Variants in IL2RA observed in about 807,000 individuals in gnomAD.
IL2RA encodes the protein interleukin-2 receptor subunit alpha.
A neutral mutation model predicts 37.8 loss-of-function variants in IL2RA; 24 were observed. The ratio of observed to expected loss-of-function variants is 0.63; its 90% CI spans 0.46 to 0.89. The LOEUF (loss-of-function observed/expected upper bound fraction) is 0.89, where lower values mean the gene tolerates loss of function less well. Among genes scored for constraint, IL2RA ranks in the 40% least tolerant of loss-of-function variants. The probability of loss-of-function intolerance (pLI) is 0.00; values close to 1 mark genes in which losing one functional copy is unlikely to be tolerated. For missense variants in IL2RA, 319 were observed against 348.6 expected (o/e 0.92, Z 0.68); for synonymous variants, 125 against 114.6 (o/e 1.09, Z -0.58).
rs927442797 is a variant in IL2RA, at chr10:6,014,970, G to C, written c.795-2074C>G. ...TGTATTTTCTCAGGGTCTTACTGTG[G>C]AGTTTGTATCAGGGTTGGCCAGAGT... On this transcript the variant is annotated intron_variant, in intron 7 of 7. Transcript: ENST00000379959. This position sits in a 1 kb window ranked among gnomAD's most constrained non-coding sequence, Gnocchi z 4.4. Among the ~76,000 whole-genome samples, 38 of 152,152 alleles carry C rather than the reference G, an allele frequency of 2.5e-4. No homozygotes were observed. The highest frequency in any genetic ancestry group is 4.9e-4 in the Non-Finnish European group (33 of 68,016).
chr10:6,050,518 C>T (rs999789206), intron 1 of IL2RA, among the ~76,000 whole-genome samples: 61 of 152,170 alleles, frequency 4.0e-4, no homozygotes, highest in African/African-American at 1.4e-3. Context: ...ATGGGGCATG[C>T]CTGTAATCCC....
At position 6,046,781 on chromosome 10, in the gene IL2RA, G is replaced by C. The variant is rs1839868562; in HGVS notation, c.64+15307C>G. Among the ~76,000 whole-genome samples, 2 of 152,330 alleles carry C rather than the reference G, an allele frequency of 1.3e-5. No individual in the cohort carries two copies. The highest frequency in any genetic ancestry group is 4.8e-5 in the African/African-American group (2 of 41,562). On this transcript the variant is annotated intron_variant, in intron 1 of 7. Transcript: ENST00000379959. The surrounding 1 kb of genome is among the most constrained non-coding windows in gnomAD (Gnocchi z 4.8). ...CAACATTTGATCTCTGATAGTTTCAGTGGGTGGGTTCTATTCTTTTCAACA... is the reference window on the plus strand; with the variant it reads ...CAACATTTGATCTCTGATAGTTTCACTGGGTGGGTTCTATTCTTTTCAACA...
At chr10:6,040,561 T>C (rs1839755798) in intron 1 of IL2RA, among the ~76,000 whole-genome samples, 1 of 152,248 alleles carries the variant, frequency 6.6e-6, no homozygotes, top group Non-Finnish European at 1.5e-5. Context: ...TTTAGAATTT[T>C]TTCTTAGCCA....
chr10:6,038,828 C>A (rs1428386274), intron 1 of IL2RA, among the ~76,000 whole-genome samples: 2 of 151,934 alleles, frequency 1.3e-5, no homozygotes, highest in Admixed American at 6.6e-5. Flanking sequence ...TTAAAAATTA[C>A]ATCTAAAATG....
rs144690178 is a variant in IL2RA at position 6,062,170 on chromosome 10, C to A, written c.-19G>T. ...AATCCATCTTCCTGACCCTTGGGAC[C>A]AGCCGGGGCAGTGAAGCGGAGGTCT... On this transcript the variant is annotated 5_prime_UTR_variant, in exon 1 of 8. Transcript: ENST00000379959. 8.0e-5 allele frequency: 129 copies of A among 1,610,438 alleles called. 2 individuals carry two copies. In the African/African-American group the frequency reaches 8.3e-4, roughly 10 times the overall value.
chr10:6,020,585 G>C lies in IL2RA; in HGVS notation c.584-644C>G, dbSNP rs1397252268. Reference sequence around the variant, plus strand: ...GAGTCTTGCTGTTGCCCAGGCTGGAGTGCAGTGGTGTGATCTCAGCTCACT... The same window carrying C: ...GAGTCTTGCTGTTGCCCAGGCTGGACTGCAGTGGTGTGATCTCAGCTCACT... On this transcript the variant is annotated intron_variant, in intron 4 of 7. Coordinates refer to ENST00000379959, the MANE Select transcript of IL2RA (RefSeq NM_000417.3). The surrounding 1 kb of genome is among the most constrained non-coding windows in gnomAD (Gnocchi z 5.6). 6.6e-6 allele frequency among the ~76,000 whole-genome samples: 1 copy of C among 151,954 alleles called. No individual in the cohort carries two copies. The highest frequency in any genetic ancestry group is 1.5e-5 in the Non-Finnish European group (1 of 67,988).
rs1163272709 is a variant in IL2RA at position 6,025,347 on chromosome 10, G to C, written c.256+487C>G. On this transcript the variant is annotated intron_variant, in intron 2 of 7. Coordinates refer to ENST00000379959, the MANE Select transcript of IL2RA (RefSeq NM_000417.3). This position sits in a 1 kb window ranked among gnomAD's most constrained non-coding sequence, Gnocchi z 4.4. ...CCAGCCTGGGCAACAGAGCGAGACT[G>C]TCTCAAAAATAAAAATAAAATTGTG... is the stretch of plus-strand genomic sequence containing the variant. Among the ~76,000 whole-genome samples the C allele has an allele frequency of 2.0e-5, 3 of 151,872 alleles. No individual in the cohort carries two copies. Among genetic ancestry groups the C allele is most frequent in the East Asian group, 1.9e-4 (1 of 5,172 alleles).
intron 7 of IL2RA, 141 bp downstream of exon 7, chr10:6,017,912 G>T: frequency 1.4e-6 from 1 of 721,326 alleles, no homozygotes; most frequent in Non-Finnish European, 2.5e-6. Flanking sequence ...TCTTTCCGAG[G>T]CATGGATTGG....
chr10:6,050,311 C>T (rs1839929621), intron 1 of IL2RA, among the ~76,000 whole-genome samples: 1 of 152,148 alleles, frequency 6.6e-6, no homozygotes, highest in African/African-American at 2.4e-5. Context: ...GAGTGAATTA[C>T]TGCCTCATGG....
chr10:6,053,351 A>C (rs1316582628), intron 1 of IL2RA, among the ~76,000 whole-genome samples: 2 of 152,360 alleles, frequency 1.3e-5, no homozygotes, highest in Non-Finnish European at 2.9e-5. Context: ...AATTAACCAA[A>C]GTAATACTAT....
intron 1 of IL2RA, among the ~76,000 whole-genome samples, chr10:6,042,508 C>A (rs928205646): frequency 4.6e-5 from 7 of 151,756 alleles, no homozygotes; most frequent in South Asian, 2.1e-4. Context: ...TATTGAACAC[C>A]CCAGCTAATG....
chr10:6,014,630 G>A lies in IL2RA; in HGVS notation c.795-1734C>T, dbSNP rs1839247484. Reference sequence around the variant, plus strand: ...CTTGTCAGGTGTTCAGCCTGAGGAAGGAGAGGATGCAAGTACTGAGTACAC... The same window carrying A: ...CTTGTCAGGTGTTCAGCCTGAGGAAAGAGAGGATGCAAGTACTGAGTACAC... On this transcript the variant is annotated intron_variant, in intron 7 of 7. Transcript: ENST00000379959. This position sits in a 1 kb window ranked among gnomAD's most constrained non-coding sequence, Gnocchi z 4.4. Among the ~76,000 whole-genome samples the A allele has an allele frequency of 6.6e-6, 1 of 152,198 alleles. No individual in the cohort carries two copies. Among genetic ancestry groups the A allele is most frequent in the South Asian group, 2.1e-4 (1 of 4,822 alleles).
chr10:6,034,124 T>C (rs1322445713), intron 1 of IL2RA, among the ~76,000 whole-genome samples: 1 of 152,200 alleles, frequency 6.6e-6, no homozygotes, highest in African/African-American at 2.4e-5. Context: ...TTTTTCTAGA[T>C]GAGGTCATGG....
chr10:6,060,962 T>C (rs1287390854), intron 1 of IL2RA, among the ~76,000 whole-genome samples: 1 of 152,202 alleles, frequency 6.6e-6, no homozygotes, highest in Middle Eastern at 3.2e-3. Flanking sequence ...GTTGCCATTA[T>C]AGACTTTCAA....
In IL2RA at chr10:6,018,089, A is replaced by G; in HGVS notation, c.758T>C (p.Val253Ala). The change falls in exon 7 of 8, where the codon GTC (valine) becomes GCC (alanine). Residue 253 changes from valine to alanine, a missense_variant. Physicochemically the swap from Val to Ala is moderately conservative, Grantham distance 64. Coordinates refer to ENST00000379959, the MANE Select transcript of IL2RA (RefSeq NM_000417.3). This position sits in a 1 kb window ranked among gnomAD's most constrained non-coding sequence, Gnocchi z 5.1. ...VAGCVFLLIS[V>A]LLLSGLTWQR... The stretch of plus-strand genomic sequence containing the variant: ...CCAGGTGAGCCCACTCAGGAGGAGG[A>G]CGCTGATCAGCAGGAAAACACAGCC... The G allele has an allele frequency of 6.2e-7, 1 of 1,613,970 alleles. No homozygotes were observed. The highest frequency in any genetic ancestry group is 8.5e-7 in the Non-Finnish European group (1 of 1,179,936).
rs558160393 is a variant in IL2RA, at chr10:6,015,336, G to A, written c.795-2440C>T. On this transcript the variant is annotated intron_variant, in intron 7 of 7. Transcript: ENST00000379959. This position sits in a 1 kb window ranked among gnomAD's most constrained non-coding sequence, Gnocchi z 4.9. Reference sequence around the variant, plus strand: ...TCAAACTCCTGACCTCAAGTAATCCGCCTGCCTCGGCCTCCCAAAGTGCTG... The same window carrying A: ...TCAAACTCCTGACCTCAAGTAATCCACCTGCCTCGGCCTCCCAAAGTGCTG... Among the ~76,000 whole-genome samples, 14 of 152,082 alleles carry A rather than the reference G, an allele frequency of 9.2e-5. No homozygotes were observed. Among genetic ancestry groups the A allele is most frequent in the East Asian group, 5.8e-4 (3 of 5,184 alleles).
chr10:6,020,070 C>T lies in IL2RA; in HGVS notation c.584-129G>A, dbSNP rs900484734. 29 of 743,462 alleles carry T rather than the reference C, an allele frequency of 3.9e-5. No individual in the cohort carries two copies. Among genetic ancestry groups the T allele is most frequent in the South Asian group, 6.1e-5 (4 of 65,718 alleles). 46.1% of individuals were successfully genotyped at this position (743,462 alleles called of 1,614,324 possible). ...GGCAGGAATCCTGGTGTGGGCACTTCGCCAGGGATGCCACCCCTCATGGTT... is the reference window on the plus strand; with the variant it reads ...GGCAGGAATCCTGGTGTGGGCACTTTGCCAGGGATGCCACCCCTCATGGTT... On this transcript the variant is annotated intron_variant, in intron 4 of 7. Coordinates refer to ENST00000379959, the MANE Select transcript of IL2RA (RefSeq NM_000417.3). This position sits in a 1 kb window ranked among gnomAD's most constrained non-coding sequence, Gnocchi z 5.6.
intron 1 of IL2RA, among the ~76,000 whole-genome samples, chr10:6,034,549 A>G (rs1306268739): frequency 1.1e-4 from 5 of 46,932 alleles, no homozygotes; most frequent in African/African-American, 3.4e-4. Context: ...CAGTAATAAC[A>G]GGAGGATTCC....
At position 6,044,352 on chromosome 10, in the gene IL2RA, C is replaced by T. The variant is rs145271357; in HGVS notation, c.64+17736G>A. On this transcript the variant is annotated intron_variant, in intron 1 of 7. Transcript: ENST00000379959. This position sits in a 1 kb window ranked among gnomAD's most constrained non-coding sequence, Gnocchi z 4.5. The stretch of plus-strand genomic sequence containing the variant: ...CCGTGACTGCTTCTGTAGAGCAGGG[C>T]GACCACATAGGCAGAGAGTAGTAGG... 1.5e-3 allele frequency among the ~76,000 whole-genome samples: 229 copies of T among 152,334 alleles called. 2 individuals carry two copies. Among genetic ancestry groups the T allele is most frequent in the African/African-American group, 5.4e-3 (224 of 41,584 alleles).
Sources: gnomAD v4.1 joint callset for allele counts (sites outside exome capture counted in the v4.1 genomes callset) on GRCh38, gnomAD v4.1.1 for gene constraint, Gnocchi (gnomAD v3.1) non-coding constraint, MANE v1.5 for transcripts, NCBI Gene and HGNC (gene_info 2026-07-23, HGNC 2026-07-21) for gene names.